RBMS3: variants seen among roughly 807,000 people sequenced by gnomAD.
RBMS3 encodes the protein RNA binding motif single stranded interacting protein 3.
Under a neutral mutation model 66.8 loss-of-function variants are expected in RBMS3, and 27 were observed. The ratio of observed to expected loss-of-function variants is 0.40; its 90% confidence interval spans 0.30 to 0.56. The LOEUF (loss-of-function observed/expected upper bound fraction) is 0.56. Among genes scored for constraint, RBMS3 ranks in the 20% least tolerant of loss-of-function variants. The probability of loss-of-function intolerance (pLI) is 0.40; values close to 1 mark genes in which losing one functional copy is unlikely to be tolerated. For missense variants in RBMS3, 513 were observed against 549.5 expected (o/e 0.93, Z 0.66); for synonymous variants, 188 against 183.0 (o/e 1.03, Z -0.22).
At chr3:29,543,030 G>T (rs1028424629) in intron 3 of RBMS3, among the ~76,000 whole-genome samples, 1 of 152,140 alleles carries the variant, frequency 6.6e-6, no homozygotes, top group Non-Finnish European at 1.5e-5. Context: ...ACTGCATAGC[G>T]TCCCCTCTTT....
chr3:29,629,335 TTTC>T (rs2049195190), intron 4 of RBMS3, among the ~76,000 whole-genome samples: 1 of 152,134 alleles, frequency 6.6e-6, no homozygotes. Context: ...TGTGTCTCAG[TTTC>T]TTCATTTGTG....
At chr3:29,908,761 CATG>C (rs2060445472) in intron 10 of RBMS3, among the ~76,000 whole-genome samples, 1 of 151,866 alleles carries the variant, frequency 6.6e-6, no homozygotes, top group South Asian at 2.1e-4. Context: ...CAAATATGTG[CATG>C]ATATTTTTCT....
intron 1 of RBMS3, among the ~76,000 whole-genome samples, chr3:29,315,777 A>G (rs1331775169): frequency 4.0e-5 from 6 of 151,718 alleles, no homozygotes; most frequent in African/African-American, 1.2e-4. Context: ...CCATGAATCA[A>G]ATTTTAGGAG....
chr3:29,575,142 T>A (rs898711599), intron 3 of RBMS3, among the ~76,000 whole-genome samples: 2 of 152,174 alleles, frequency 1.3e-5, no homozygotes, highest in Non-Finnish European at 2.9e-5. Context: ...TCTTTCAGAT[T>A]GAAGAACACC....
chr3:29,711,136 G>A lies in RBMS3; in HGVS notation c.400-28584G>A, dbSNP rs146656104. On this transcript the variant is annotated intron_variant, in intron 4 of 14. Coordinates refer to ENST00000383767, the MANE Select transcript of RBMS3 (RefSeq NM_001003793.3). ...TGATAAAGTTTAATTTATAAATTAG[G>A]CACAATAAGAGATTAACTAATAATA... Among the ~76,000 whole-genome samples the A allele has an allele frequency of 3.3e-3, 501 of 152,170 alleles. 1 individual carries two copies. The highest frequency in any genetic ancestry group is 0.011 in the African/African-American group (470 of 41,516).
chr3:29,588,932 GAA>G (rs1221982189), intron 4 of RBMS3, among the ~76,000 whole-genome samples: 3 of 151,998 alleles, frequency 2.0e-5, no homozygotes, highest in Non-Finnish European at 1.5e-5. Flanking sequence ...AATGCTTAAC[GAA>G]AAAGTTGTTA....
intron 1 of RBMS3, among the ~76,000 whole-genome samples, chr3:29,381,015 C>T (rs2038738549): frequency 6.6e-6 from 1 of 152,144 alleles, no homozygotes; most frequent in African/African-American, 2.4e-5. Context: ...ATCTTCTCTC[C>T]TGTGTCTCTC....
intron 4 of RBMS3, among the ~76,000 whole-genome samples, chr3:29,631,989 G>A (rs546963537): frequency 2.8e-4 from 43 of 151,764 alleles, no homozygotes; most frequent in African/African-American, 1.0e-3. Context: ...GCAAACCAGT[G>A]TGCAGAAAGT....
At chr3:29,413,429 G>C (rs1006610977) in intron 1 of RBMS3, among the ~76,000 whole-genome samples, 11 of 140,958 alleles carry the variant, frequency 7.8e-5, no homozygotes, top group South Asian at 2.3e-4. Context: ...TACATACACA[G>C]AGTTGCAGCA....
intron 4 of RBMS3, among the ~76,000 whole-genome samples, chr3:29,704,944 A>C (rs1432705026): frequency 6.6e-6 from 1 of 152,238 alleles, no homozygotes; most frequent in Non-Finnish European, 1.5e-5. Context: ...TTCCAAATTC[A>C]TAATGTTGTC....
At chr3:29,514,030 A>G (rs2044515934) in intron 3 of RBMS3, among the ~76,000 whole-genome samples, 1 of 152,062 alleles carries the variant, frequency 6.6e-6, no homozygotes, top group Non-Finnish European at 1.5e-5. Flanking sequence ...TAATCTTTCT[A>G]TTCCTTGTGC....
intron 14 of RBMS3, among the ~76,000 whole-genome samples, chr3:29,994,073 C>A (rs1029734343): frequency 2.2e-4 from 34 of 152,142 alleles, no homozygotes; most frequent in African/African-American, 8.0e-4. Context: ...TGGGTGCATG[C>A]ACCGTGCGCA....
chr3:29,976,975 C>T (rs1020804065), intron 12 of RBMS3, among the ~76,000 whole-genome samples: 1 of 152,140 alleles, frequency 6.6e-6, no homozygotes, highest in Admixed American at 6.6e-5. Flanking sequence ...TTTTGAACTA[C>T]TTGCTTTTGA....
chr3:29,501,016 T>A (rs889508459), intron 3 of RBMS3, among the ~76,000 whole-genome samples: 12 of 152,210 alleles, frequency 7.9e-5, no homozygotes, highest in African/African-American at 2.9e-4. Context: ...TAATTAAGCA[T>A]CTGCTATGTT....
intron 5 of RBMS3, among the ~76,000 whole-genome samples, chr3:29,750,589 G>A (rs967856572): frequency 2.0e-5 from 3 of 152,050 alleles, no homozygotes; most frequent in Admixed American, 6.6e-5. Context: ...CACATGTGCA[G>A]GTTCGTTATA....
At chr3:29,497,941 ATGTT>A (rs2043815302) in intron 3 of RBMS3, among the ~76,000 whole-genome samples, 2 of 106,446 alleles carry the variant, frequency 1.9e-5, no homozygotes, top group South Asian at 6.5e-4. Context: ...ACAGATGCAT[ATGTT>A]TCTCAGAGTT....
chr3:29,354,850 A>G (rs2037125963), intron 1 of RBMS3, among the ~76,000 whole-genome samples: 1 of 152,138 alleles, frequency 6.6e-6, no homozygotes, highest in Non-Finnish European at 1.5e-5. Flanking sequence ...TCTGTTACTT[A>G]TGTAGCACTC....
rs181504793 is a variant in RBMS3, at chr3:29,579,604, T to C, written c.308-7510T>C. 1.8e-3 allele frequency among the ~76,000 whole-genome samples: 268 copies of C among 152,344 alleles called. 1 individual carries two copies. The highest frequency in any genetic ancestry group is 6.0e-3 in the African/African-American group (251 of 41,580). On this transcript the variant is annotated intron_variant, in intron 3 of 14. Coordinates refer to ENST00000383767, the MANE Select transcript of RBMS3 (RefSeq NM_001003793.3). ...TTATAAACTTGTTGGAATTGTTTTA[T>C]TAATATGTTGGGCTTGCTCATGCAG...
chr3:29,608,556 A>G (rs1211369993), intron 4 of RBMS3, among the ~76,000 whole-genome samples: 1 of 152,038 alleles, frequency 6.6e-6, no homozygotes, highest in Non-Finnish European at 1.5e-5. Context: ...TAGATGACCA[A>G]AGATGACAGA....
Sources: allele counts gnomAD v4.1 joint callset (sites outside exome capture counted in the v4.1 genomes callset), GRCh38; gene constraint gnomAD v4.1.1; transcripts MANE v1.5; gene names NCBI Gene and HGNC (gene_info 2026-07-23, HGNC 2026-07-21).